The following EPSTI1 variants were observed in gnomAD, a reference collection of about 807,000 sequenced individuals.
EPSTI1 encodes the protein epithelial stromal interaction 1, also known as epithelial-stromal interaction protein 1.
In EPSTI1, 66 loss-of-function variants were observed where a neutral mutation model predicts 49.9. The observed-to-expected ratio is 1.32, with a 90% CI of 1.08 to 1.62. The LOEUF is 1.62. EPSTI1 is among the 40% of genes most tolerant of loss of function. EPSTI1 has a pLI of 0.00. For missense variants in EPSTI1, 394 were observed against 365.5 expected (o/e 1.08, Z -0.64); for synonymous variants, 137 against 130.7 (o/e 1.05, Z -0.33).
At chr13:42,958,836 G>T (rs545195056) in intron 5 of EPSTI1, among the ~76,000 whole-genome samples, 1 of 152,218 alleles carries the variant, frequency 6.6e-6, no homozygotes, top group African/African-American at 2.4e-5. Flanking sequence ...ACCCAGCTGA[G>T]ATCAAATCTC....
At chr13:42,983,577 A>C (rs1312549050) in intron 1 of EPSTI1, among the ~76,000 whole-genome samples, 10 of 101,638 alleles carry the variant, frequency 9.8e-5, no homozygotes, top group Admixed American at 5.1e-4. Context: ...AAAAAAAAAA[A>C]AAAAAAAAAA....
intron 8 of EPSTI1, among the ~76,000 whole-genome samples, chr13:42,914,677 C>A (rs2037780288): frequency 6.6e-6 from 1 of 151,982 alleles, no homozygotes; most frequent in Non-Finnish European, 1.5e-5. Context: ...TTGCTAGAAG[C>A]AGAAAAGGTA....
At chr13:42,970,736 A>G (rs2039747290) in intron 1 of EPSTI1, 66 bp from the exon 2 acceptor site, 2 of 1,281,004 alleles carry the variant, frequency 1.6e-6, no homozygotes, top group African/African-American at 1.5e-5. Context: ...AAGCCACCAG[A>G]TATTTTTCCT....
In EPSTI1 at chr13:42,922,478, GC is replaced by G. The variant is rs200491329; in HGVS notation, c.657+3857del. The stretch of plus-strand genomic sequence containing the variant: ...CCATGCAGCCGTGTGCCAAGGGTTT[GC>G]GGGGACAGGGGACAGATGCCCCCCG... On this transcript the variant is annotated intron_variant, in intron 7 of 10. Transcript: ENST00000313624. The surrounding 1 kb of genome is among the most constrained non-coding windows in gnomAD (Gnocchi z 4.8). Among the ~76,000 whole-genome samples the G allele has an allele frequency of 2.0e-3, 307 of 152,286 alleles. 1 individual carries two copies. The highest frequency in any genetic ancestry group is 6.9e-3 in the African/African-American group (288 of 41,552).
chr13:42,943,941 G>A (rs1209141810), intron 6 of EPSTI1, among the ~76,000 whole-genome samples: 1 of 152,218 alleles, frequency 6.6e-6, no homozygotes, highest in African/African-American at 2.4e-5. Context: ...CTGGTCATTA[G>A]AGAAATGCAA....
intron 3 of EPSTI1, among the ~76,000 whole-genome samples, chr13:42,966,759 C>G (rs1216107423): frequency 1.1e-5 from 1 of 89,880 alleles, no homozygotes; most frequent in African/African-American, 3.4e-5. Flanking sequence ...CGCCCGGCCA[C>G]CACCCCGTCT....
chr13:42,917,516 A>ATAAC (rs2037864044), intron 8 of EPSTI1, 25 bp downstream of exon 8: 1 of 1,588,816 alleles, frequency 6.3e-7, no homozygotes, highest in Admixed American at 1.7e-5. Context: ...ACAGTTAGCA[A>ATAAC]TAACTAGTAG....
chr13:42,958,776 C>G (rs969152211), intron 5 of EPSTI1, among the ~76,000 whole-genome samples: 6 of 130,450 alleles, frequency 4.6e-5, no homozygotes, highest in African/African-American at 1.6e-4. Context: ...GGTTTGGTTC[C>G]CAGTTACAAT....
At chr13:42,944,281 A>G (rs1032910328) in intron 6 of EPSTI1, among the ~76,000 whole-genome samples, 1 of 152,210 alleles carries the variant, frequency 6.6e-6, no homozygotes, top group Non-Finnish European at 1.5e-5. Context: ...AATGCCCATC[A>G]ATGTTGGGCT....
chr13:42,917,633 G>GAAAA lies in EPSTI1; in HGVS notation c.658-10_658-9insTTTT. ...TAAGCCCAGCTTCTGGCCTGTAAAG[G>GAAAA]TACAAAGAGAAAAAAAAAAAAAAAA... is the stretch of plus-strand genomic sequence containing the variant. On this transcript the variant is annotated splice_polypyrimidine_tract_variant and intron_variant, in intron 7 of 10. Transcript: ENST00000313624. 7 of 292,802 alleles carry GAAAA rather than the reference G, an allele frequency of 2.4e-5. No homozygotes were observed. Among genetic ancestry groups the GAAAA allele is most frequent in the African/African-American group, 3.5e-5 (1 of 28,644 alleles). The allele number at this position is 292,802 out of a possible 1,614,324, so 18.1% of individuals were successfully genotyped here. A position where few individuals can be genotyped will look rare whatever the true frequency, so the allele number is the denominator to read the frequency against.
At position 42,960,965 on chromosome 13, in the gene EPSTI1, C is replaced by A. The variant is rs546810551; in HGVS notation, c.489+2290G>T. Among the ~76,000 whole-genome samples the A allele has an allele frequency of 6.6e-5, 10 of 152,290 alleles. No individual in the cohort carries two copies. The South Asian group carries it at 1.7e-3, about 25-fold the overall frequency. ...CCTAATTCCACCTGTGACCTTAATC[C>A]CCTTACCCATGTAAGGAAACATGTT... On this transcript the variant is annotated intron_variant, in intron 5 of 10. Coordinates refer to ENST00000313624, the MANE Select transcript of EPSTI1 (RefSeq NM_033255.5).
chr13:42,987,676 T>C (rs1052216937), intron 1 of EPSTI1, among the ~76,000 whole-genome samples: 1 of 152,218 alleles, frequency 6.6e-6, no homozygotes, highest in African/African-American at 2.4e-5. Flanking sequence ...AGCCAAAAGA[T>C]TGGATACCCC....
chr13:42,900,325 TG>T lies in EPSTI1; in HGVS notation c.799del (p.Gln267ArgfsTer7), dbSNP rs1215881880. The T allele has an allele frequency of 6.2e-7, 1 of 1,613,604 alleles. No homozygotes were observed. The highest frequency in any genetic ancestry group is 2.2e-5 in the East Asian group (1 of 44,852). ...CCAGTTTTACCTCCTGTGTTCAGTC[TG>T]GTGGATTTTGGCTCTTTCTTGCTCT... Reference protein sequence around the residue: ...QQEQERAKIHQTEHRRVNNAF... With the variant: ...QQEQERAKIHXTEHRRVNNAF... On this transcript the variant is annotated frameshift_variant, in exon 9 of 11. Transcript: ENST00000313624. LOFTEE classifies it high-confidence loss of function.
chr13:42,889,800 T>A (rs1016932848), intron 10 of EPSTI1, among the ~76,000 whole-genome samples: 6 of 152,210 alleles, frequency 3.9e-5, no homozygotes, highest in Non-Finnish European at 7.4e-5. Flanking sequence ...ATAGTTATCT[T>A]TTTTGTTATT....
At chr13:42,889,231 TAATA>T (rs1278394557) in intron 10 of EPSTI1, 1 of 1,566,192 alleles carries the variant, frequency 6.4e-7, no homozygotes, top group African/African-American at 1.4e-5. Context: ...TCGAAAAAAC[TAATA>T]GAGAACCCTA....
At chr13:42,971,526 CA>C (rs1212945150) in intron 1 of EPSTI1, among the ~76,000 whole-genome samples, 2 of 152,140 alleles carry the variant, frequency 1.3e-5, no homozygotes, top group African/African-American at 4.8e-5. Context: ...TATAGCACAG[CA>C]ACAGACTGCA....
Position 42,971,632 on chromosome 13 carries a change from C to A in EPSTI1, c.189-962G>T, listed in dbSNP as rs561790516. ...TAAGAGGGAGGGAAAAAACCCCACCCAGATACTCTTGGAAGTCTCTCTCTT... is the reference window on the plus strand; with the variant it reads ...TAAGAGGGAGGGAAAAAACCCCACCAAGATACTCTTGGAAGTCTCTCTCTT... On this transcript the variant is annotated intron_variant, in intron 1 of 10. Transcript: ENST00000313624. Among the ~76,000 whole-genome samples the A allele has an allele frequency of 4.6e-5, 7 of 152,302 alleles. No homozygotes were observed. In the South Asian group the frequency reaches 1.5e-3, roughly 32 times the overall value.
chr13:42,969,136 G>A lies in EPSTI1; in HGVS notation c.289C>T (p.Gln97Ter). ...AGGTGAACCGGTTTAGCTCTGTTCTGCTCCTTCCACTTCTCCAGGTTGGCC... is the reference window on the plus strand; with the variant it reads ...AGGTGAACCGGTTTAGCTCTGTTCTACTCCTTCCACTTCTCCAGGTTGGCC... Reference protein sequence around the residue: ...ELANLEKWKEQNRAKPVHLVP... With the variant: ...ELANLEKWKE The change falls in exon 3 of 11, where the codon CAG becomes TAG. Residue 97 changes from glutamine to a stop codon, truncating the protein, a stop_gained. Coordinates refer to ENST00000313624, the MANE Select transcript of EPSTI1 (RefSeq NM_033255.5). LOFTEE classifies it high-confidence loss of function. 6.2e-7 allele frequency: 1 copy of A among 1,614,048 alleles called. No homozygotes were observed.
chr13:42,891,862 TCAA>T (rs904101104), intron 10 of EPSTI1, among the ~76,000 whole-genome samples: 2 of 152,030 alleles, frequency 1.3e-5, no homozygotes, highest in African/African-American at 4.8e-5. Context: ...GAGTAAACAG[TCAA>T]CAAAACATAC....
Sources: allele counts gnomAD v4.1 joint callset (sites outside exome capture counted in the v4.1 genomes callset), GRCh38; gene constraint gnomAD v4.1.1; non-coding constraint Gnocchi (gnomAD v3.1); transcripts MANE v1.5; gene names NCBI Gene and HGNC (gene_info 2026-07-23, HGNC 2026-07-21).